Variants in SDCCAG8 observed in about 807,000 individuals in gnomAD.
SDCCAG8 encodes SHH signaling and ciliogenesis regulator SDCCAG8.
SDCCAG8 carries 74 observed loss-of-function variants against 101.8 expected under a neutral mutation model. That is an observed-to-expected ratio of 0.73 (90% confidence interval 0.60 to 0.88). The LOEUF is 0.88. Among genes scored for constraint, SDCCAG8 ranks in the 40% least tolerant of loss-of-function variants. The probability of loss-of-function intolerance (pLI) is 0.00; values close to 1 mark genes in which losing one functional copy is unlikely to be tolerated. For missense variants in SDCCAG8, 787 were observed against 822.6 expected, an observed-to-expected ratio of 0.96 and a Z score of 0.53; for synonymous variants, 281 against 292.9, an observed-to-expected ratio of 0.96 and a Z score of 0.41.
chr1:243,271,375 A>G (rs2068069601), intron 3 of SDCCAG8, among the ~76,000 whole-genome samples: 1 of 149,028 alleles, frequency 6.7e-6, no homozygotes, highest in South Asian at 2.1e-4. Flanking sequence ...ATAATAAATT[A>G]TATGTCAGAA....
intron 8 of SDCCAG8, among the ~76,000 whole-genome samples, chr1:243,314,078 A>AAAACC (rs1172907114): frequency 2.0e-5 from 3 of 152,350 alleles, no homozygotes; most frequent in East Asian, 3.9e-4. Context: ...GAGTCAAAAC[A>AAAACC]AAACCAAACC....
chr1:243,419,938 T>A (rs1459686301), intron 15 of SDCCAG8, among the ~76,000 whole-genome samples: 1 of 152,222 alleles, frequency 6.6e-6, no homozygotes, highest in Admixed American at 6.5e-5. Context: ...CCTCTATTGC[T>A]CCTCCTGCTT....
chr1:243,357,282 G>A (rs537119194), intron 12 of SDCCAG8, among the ~76,000 whole-genome samples: 2 of 152,112 alleles, frequency 1.3e-5, no homozygotes, highest in African/African-American at 4.8e-5. Flanking sequence ...GGGAGGCTGA[G>A]GCAAGAGAAT....
chr1:243,322,488 A>G (rs1349134205), intron 9 of SDCCAG8, among the ~76,000 whole-genome samples: 2 of 152,230 alleles, frequency 1.3e-5, no homozygotes, highest in Non-Finnish European at 2.9e-5. Flanking sequence ...ATGACTTGCA[A>G]TTTTGGCTCA....
chr1:243,284,876 G>A (rs2069445844), intron 4 of SDCCAG8, among the ~76,000 whole-genome samples: 1 of 152,022 alleles, frequency 6.6e-6, no homozygotes, highest in Non-Finnish European at 1.5e-5. Context: ...CTATGACTGG[G>A]TCTTCCTGGA....
chr1:243,366,065 G>C (rs1378311001), intron 12 of SDCCAG8, among the ~76,000 whole-genome samples: 1 of 151,988 alleles, frequency 6.6e-6, no homozygotes, highest in Admixed American at 6.6e-5. Flanking sequence ...GAGAATCTGA[G>C]AGCATTGTAA....
chr1:243,441,806 T>C (rs190978023), intron 16 of SDCCAG8, among the ~76,000 whole-genome samples: 73 of 152,336 alleles, frequency 4.8e-4, no homozygotes, highest in Middle Eastern at 3.4e-3. Context: ...TTATGACCCT[T>C]TCTAGACTTT....
intron 15 of SDCCAG8, among the ~76,000 whole-genome samples, chr1:243,418,772 C>G (rs758217223): frequency 1.3e-5 from 2 of 152,182 alleles, no homozygotes; most frequent in Non-Finnish European, 2.9e-5. Context: ...ATTTGACCTA[C>G]TTGGACTATA....
intron 6 of SDCCAG8, among the ~76,000 whole-genome samples, chr1:243,303,286 C>G (rs534856225): frequency 6.6e-6 from 1 of 152,126 alleles, no homozygotes; most frequent in Admixed American, 6.6e-5. Flanking sequence ...TCTTTTATGA[C>G]GTGGACCCTT....
At chr1:243,366,947 ATATT>A (rs1264210435) in intron 12 of SDCCAG8, among the ~76,000 whole-genome samples, 1 of 152,104 alleles carries the variant, frequency 6.6e-6, no homozygotes, top group African/African-American at 2.4e-5. Context: ...GTGCTCAAAA[ATATT>A]TATTGTATTG....
chr1:243,413,175 T>C (rs1447911841), intron 13 of SDCCAG8, among the ~76,000 whole-genome samples: 3 of 152,210 alleles, frequency 2.0e-5, no homozygotes, highest in African/African-American at 7.2e-5. Flanking sequence ...ATTATGACAG[T>C]AGTTCTTTTC....
chr1:243,421,507 A>G lies in SDCCAG8; in HGVS notation c.1853+3431A>G, dbSNP rs1187555441. Among the ~76,000 whole-genome samples, 4 of 152,266 alleles carry G rather than the reference A, an allele frequency of 2.6e-5. No individual in the cohort carries two copies. In the East Asian group the frequency reaches 7.7e-4, roughly 29 times the overall value. Reference sequence around the variant, plus strand: ...GACCGTAAGTCGCATTATGGCAGTGACGACTGCTTCTGTTTTCTGGAAGCC... The same window carrying G: ...GACCGTAAGTCGCATTATGGCAGTGGCGACTGCTTCTGTTTTCTGGAAGCC... On this transcript the variant is annotated intron_variant, in intron 15 of 17. Transcript: ENST00000366541.
chr1:243,295,625 C>A (rs1258770681), intron 6 of SDCCAG8, among the ~76,000 whole-genome samples: 1 of 152,192 alleles, frequency 6.6e-6, no homozygotes. Flanking sequence ...AATCCACTTT[C>A]ATTTCTCTTT....
intron 16 of SDCCAG8, among the ~76,000 whole-genome samples, chr1:243,459,110 T>G (rs1436041272): frequency 6.6e-6 from 1 of 152,232 alleles, no homozygotes; most frequent in Non-Finnish European, 1.5e-5. Context: ...TGGTAAAGCC[T>G]TTCCTTCCCA....
intron 6 of SDCCAG8, among the ~76,000 whole-genome samples, chr1:243,301,378 A>G (rs570236194): frequency 6.6e-6 from 1 of 152,212 alleles, no homozygotes; most frequent in Admixed American, 6.5e-5. Flanking sequence ...ACTTTTCATC[A>G]TGTTTGGTGC....
intron 4 of SDCCAG8, among the ~76,000 whole-genome samples, chr1:243,282,828 T>G (rs2069181033): frequency 6.6e-6 from 1 of 152,112 alleles, no homozygotes; most frequent in Admixed American, 6.6e-5. Flanking sequence ...TTTTTTTGTT[T>G]GTTTGATTTT....
intron 9 of SDCCAG8, among the ~76,000 whole-genome samples, chr1:243,328,778 A>T (rs2074389658): frequency 6.6e-6 from 1 of 152,098 alleles, no homozygotes; most frequent in Non-Finnish European, 1.5e-5. Flanking sequence ...TACACCTCTT[A>T]TCCTGCCAGG....
intron 12 of SDCCAG8, among the ~76,000 whole-genome samples, chr1:243,346,603 C>T (rs556510090): frequency 1.3e-5 from 2 of 152,310 alleles, no homozygotes; most frequent in South Asian, 2.1e-4. Context: ...TGAGCCTTGG[C>T]TCTGGCATAA....
intron 16 of SDCCAG8, among the ~76,000 whole-genome samples, chr1:243,480,894 T>C (rs1663610068): frequency 1.6e-4 from 1 of 6,394 alleles, no homozygotes; most frequent in Non-Finnish European, 3.0e-4. Context: ...GATGGATGGG[T>C]GGGTGGGATG....
Sources: gnomAD v4.1 joint callset for allele counts (sites outside exome capture counted in the v4.1 genomes callset) on GRCh38, gnomAD v4.1.1 for gene constraint, MANE v1.5 for transcripts, NCBI Gene and HGNC (gene_info 2026-07-23, HGNC 2026-07-21) for gene names.